STT3B: variants seen among roughly 807,000 people sequenced by gnomAD.
The protein encoded by STT3B is STT3 oligosaccharyltransferase complex catalytic subunit B, also known as dolichyl-diphosphooligosaccharide--protein glycosyltransferase subunit STT3B.
STT3B carries 29 observed loss-of-function variants against 96.8 expected under a neutral mutation model. That is an observed-to-expected ratio of 0.30 (90% CI 0.22 to 0.41). STT3B has a LOEUF of 0.41. Among genes scored for constraint, STT3B ranks in the 10% least tolerant of loss-of-function variants. The pLI is 1.00. For synonymous variants in STT3B, 367 were observed against 360.0 expected, an observed-to-expected ratio of 1.02 and a Z score of -0.22; for missense variants, 640 against 1,022.3, an observed-to-expected ratio of 0.63 and a Z score of 5.10.
intron 3 of STT3B, among the ~76,000 whole-genome samples, chr3:31,589,875 G>A (rs991553182): frequency 1.3e-5 from 2 of 151,498 alleles, no homozygotes; most frequent in African/African-American, 2.4e-5. Flanking sequence ...CTAACATCAC[G>A]TTGGACAGGG....
intron 1 of STT3B, among the ~76,000 whole-genome samples, chr3:31,544,221 T>C (rs1697348403): frequency 6.6e-6 from 1 of 152,184 alleles, no homozygotes; most frequent in African/African-American, 2.4e-5. Flanking sequence ...TAAGCAACAC[T>C]TTAGGAAACC....
intron 4 of STT3B, among the ~76,000 whole-genome samples, chr3:31,599,705 T>C (rs1020331580): frequency 1.3e-5 from 2 of 152,194 alleles, no homozygotes; most frequent in Admixed American, 1.3e-4. Flanking sequence ...TTAATTCTAT[T>C]GGTTGAGAAT....
At chr3:31,569,274 A>G (rs548996489) in intron 1 of STT3B, among the ~76,000 whole-genome samples, 15 of 152,290 alleles carry the variant, frequency 9.8e-5, no homozygotes, top group African/African-American at 2.9e-4. Context: ...TTACAGACCT[A>G]AGCCACTACA....
At position 31,615,216 on chromosome 3, in the gene STT3B, T is replaced by A; in HGVS notation, c.976+13T>A. 6.4e-7 allele frequency: 1 copy of A among 1,572,314 alleles called. No individual in the cohort carries two copies. The highest frequency in any genetic ancestry group is 8.7e-7 in the Non-Finnish European group (1 of 1,147,574). Reference sequence around the variant, plus strand: ...ATGGCAGCTGCAGGTATGAAAAATATATATTTTCCTTCTTCTAAAGAATAT... The same window carrying A: ...ATGGCAGCTGCAGGTATGAAAAATAAATATTTTCCTTCTTCTAAAGAATAT... On this transcript the variant is annotated intron_variant, in intron 6 of 15. Coordinates refer to ENST00000295770, the MANE Select transcript of STT3B (RefSeq NM_178862.3).
chr3:31,558,699 C>T (rs939006557), intron 1 of STT3B, among the ~76,000 whole-genome samples: 1 of 152,076 alleles, frequency 6.6e-6, no homozygotes, highest in Non-Finnish European at 1.5e-5. Flanking sequence ...AAGGAGAATT[C>T]CCTCCCCTTC....
chr3:31,557,786 C>T (rs1459845593), intron 1 of STT3B, among the ~76,000 whole-genome samples: 1 of 152,156 alleles, frequency 6.6e-6, no homozygotes, highest in Non-Finnish European at 1.5e-5. Flanking sequence ...GCGCCCGCCA[C>T]CATGCCTGGC....
chr3:31,536,786 A>G (rs1212939297), intron 1 of STT3B, among the ~76,000 whole-genome samples: 4 of 152,230 alleles, frequency 2.6e-5, no homozygotes, highest in Non-Finnish European at 5.9e-5. Context: ...GTTTGAAAAT[A>G]TATTGTCTGT....
intron 1 of STT3B, among the ~76,000 whole-genome samples, chr3:31,558,037 G>A (rs1697766100): frequency 6.6e-6 from 1 of 152,196 alleles, no homozygotes; most frequent in East Asian, 1.9e-4. Flanking sequence ...TTCGTATCCT[G>A]CAACTTTACT....
chr3:31,571,610 A>T (rs563005442), intron 1 of STT3B, among the ~76,000 whole-genome samples: 27 of 152,250 alleles, frequency 1.8e-4, no homozygotes, highest in African/African-American at 6.5e-4. Context: ...GTTACCTGTG[A>T]TGTGTGACTT....
chr3:31,616,518 TATCCTG>T (rs1699309740), intron 6 of STT3B, among the ~76,000 whole-genome samples: 1 of 151,930 alleles, frequency 6.6e-6, no homozygotes, highest in South Asian at 2.1e-4. Context: ...ATATCAAGAT[TATCCTG>T]ATCCTAAGTC....
intron 5 of STT3B, among the ~76,000 whole-genome samples, chr3:31,603,004 A>G (rs767573008): frequency 6.6e-6 from 1 of 152,098 alleles, no homozygotes; most frequent in Non-Finnish European, 1.5e-5. Flanking sequence ...CCTAAAAACT[A>G]TGGAAGCATT....
intron 1 of STT3B, among the ~76,000 whole-genome samples, chr3:31,550,023 T>A (rs1238475106): frequency 6.6e-6 from 1 of 152,216 alleles, no homozygotes. Context: ...AACAGCCTCT[T>A]ATTTTGTTGT....
At chr3:31,615,023 A>C in intron 5 of STT3B, 82 bp from the exon 6 acceptor site, 4 of 773,640 alleles carry the variant, frequency 5.2e-6, no homozygotes. Flanking sequence ...CTTTGCTAAA[A>C]ACAGGATTTA....
chr3:31,600,506 A>G (rs1698905852), intron 5 of STT3B, 47 bp downstream of exon 5: 1 of 851,792 alleles, frequency 1.2e-6, no homozygotes, highest in South Asian at 1.6e-5. Context: ...GATGTTTTGT[A>G]TTCATTCATT....
At chr3:31,572,104 A>G (rs1698170792) in intron 1 of STT3B, among the ~76,000 whole-genome samples, 1 of 141,560 alleles carries the variant, frequency 7.1e-6, no homozygotes, top group Non-Finnish European at 1.5e-5. Flanking sequence ...GATATTAAAT[A>G]TATATATTAT....
chr3:31,631,221 A>C (rs1276798343), intron 14 of STT3B, among the ~76,000 whole-genome samples: 1 of 152,214 alleles, frequency 6.6e-6, no homozygotes, highest in Admixed American at 6.5e-5. Context: ...TTCCAAGTGA[A>C]TCATATTTTA....
chr3:31,617,308 C>CA (rs1699328060), intron 7 of STT3B, among the ~76,000 whole-genome samples: 1 of 149,028 alleles, frequency 6.7e-6, no homozygotes, highest in South Asian at 2.1e-4. Flanking sequence ...AAAAAAAAAT[C>CA]AGAGCTTCTG....
chr3:31,561,927 C>T lies in STT3B; in HGVS notation c.315-14469C>T, dbSNP rs1697889241. On this transcript the variant is annotated intron_variant, in intron 1 of 15. Transcript: ENST00000295770. ...AACAGCATTAGTGTGTCTGTGATTT[C>T]CCCAGGGGCTTAAGATGTGGTTGTT... Among the ~76,000 whole-genome samples the T allele has an allele frequency of 3.3e-5, 5 of 152,104 alleles. No homozygotes were observed. In the South Asian group the frequency reaches 1.0e-3, roughly 32 times the overall value.
At chr3:31,545,435 CATAAT>C (rs1282640595) in intron 1 of STT3B, among the ~76,000 whole-genome samples, 2 of 152,130 alleles carry the variant, frequency 1.3e-5, no homozygotes, top group African/African-American at 4.8e-5. Flanking sequence ...AGAATCACAA[CATAAT>C]ATACAGTTAT....
Sources: allele counts gnomAD v4.1 joint callset (sites outside exome capture counted in the v4.1 genomes callset), GRCh38; gene constraint gnomAD v4.1.1; transcripts MANE v1.5; gene names NCBI Gene and HGNC (gene_info 2026-07-23, HGNC 2026-07-21).